Variants in RALGAPA2 observed in about 807,000 individuals in gnomAD.
RALGAPA2 encodes Ral GTPase activating protein catalytic subunit alpha 2.
Under a neutral mutation model 230.4 loss-of-function variants are expected in RALGAPA2, and 139 were observed. The observed-to-expected ratio is 0.60, with a 90% confidence interval of 0.53 to 0.69. RALGAPA2 has a LOEUF of 0.69. Ranked by LOEUF, RALGAPA2 falls within the 30% of genes least tolerant of loss-of-function variation. RALGAPA2 has a pLI of 0.00. For missense variants in RALGAPA2, 2,163 were observed against 2,276.0 expected, an observed-to-expected ratio of 0.95 and a Z score of 1.01; for synonymous variants, 847 against 837.8, an observed-to-expected ratio of 1.01 and a Z score of -0.19.
chr20:20,422,480 A>C (rs2060296875), intron 37 of RALGAPA2, among the ~76,000 whole-genome samples: 1 of 152,014 alleles, frequency 6.6e-6, no homozygotes, highest in South Asian at 2.1e-4. Flanking sequence ...CTGAGGTGAG[A>C]GGATCGCTTG....
chr20:20,455,191 C>T (rs959798731), intron 37 of RALGAPA2, among the ~76,000 whole-genome samples: 1 of 152,232 alleles, frequency 6.6e-6, no homozygotes, highest in East Asian at 1.9e-4. Flanking sequence ...CACCTAAGTG[C>T]TCTGCCTCGC....
chr20:20,655,604 G>A (rs2067561133), intron 3 of RALGAPA2, among the ~76,000 whole-genome samples: 1 of 151,678 alleles, frequency 6.6e-6, no homozygotes. Flanking sequence ...GGGAGGAGAT[G>A]GGCCTGGAGA....
At chr20:20,465,151 A>T (rs6082007) in intron 37 of RALGAPA2, among the ~76,000 whole-genome samples, 22 of 122,984 alleles carry the variant, frequency 1.8e-4, no homozygotes, top group South Asian at 1.1e-3. Flanking sequence ...GCAGGCCTTC[A>T]CACACACACA....
At chr20:20,463,129 CTT>C (rs11479561) in intron 37 of RALGAPA2, among the ~76,000 whole-genome samples, 3 of 138,172 alleles carry the variant, frequency 2.2e-5, no homozygotes, top group African/African-American at 2.7e-5. Flanking sequence ...AAAACCCTGA[CTT>C]TTTTTTTTTT....
At position 20,642,463 on chromosome 20, in the gene RALGAPA2, G is replaced by A. The variant is rs561895663; in HGVS notation, c.372+1043C>T. On this transcript the variant is annotated intron_variant, in intron 5 of 39. Coordinates refer to ENST00000202677, the MANE Select transcript of RALGAPA2 (RefSeq NM_020343.4). ...TGACCTCAGGCAATTTGCCTGCCTC[G>A]GCCTCCCAAAGTGCTGGGGTTACAG... Among the ~76,000 whole-genome samples, 6 of 152,160 alleles carry A rather than the reference G, an allele frequency of 3.9e-5. No individual in the cohort carries two copies. In the South Asian group the frequency reaches 8.3e-4, roughly 21 times the overall value.
intron 36 of RALGAPA2, among the ~76,000 whole-genome samples, chr20:20,475,995 T>C (rs2061642471): frequency 6.6e-6 from 1 of 152,090 alleles, no homozygotes; most frequent in African/African-American, 2.4e-5. Flanking sequence ...TATAACTGCA[T>C]CAAAACAGAA....
intron 32 of RALGAPA2, among the ~76,000 whole-genome samples, chr20:20,512,244 C>CACACACACACACACACACAT (rs2062733001): frequency 1.4e-4 from 21 of 148,468 alleles, no homozygotes; most frequent in African/African-American, 4.8e-4. Flanking sequence ...CACACATACA[C>CACACACACACACACACACAT]ACACACACAC....
At position 20,437,361 on chromosome 20, in the gene RALGAPA2, C is replaced by T. The variant is rs772314766; in HGVS notation, c.5496-25213G>A. Among the ~76,000 whole-genome samples the T allele has an allele frequency of 3.3e-5, 5 of 152,190 alleles. No individual in the cohort carries two copies. Among genetic ancestry groups the T allele is most frequent in the Admixed American group, 1.3e-4 (2 of 15,280 alleles). ...CCACCACACGCCACCATCCAGGCCA[C>T]GCCATTGTCATTTCGTTCCTGGATT... On this transcript the variant is annotated intron_variant, in intron 37 of 39. Transcript: ENST00000202677. This position sits in a 1 kb window ranked among gnomAD's most constrained non-coding sequence, Gnocchi z 4.1.
chr20:20,444,975 G>A (rs73287241), intron 37 of RALGAPA2, among the ~76,000 whole-genome samples: 1,929 of 152,288 alleles, frequency 0.013, 37 homozygotes, highest in African/African-American at 0.044. Context: ...TGTGTTCTGT[G>A]TTGCATGTGC....
chr20:20,505,205 G>A (rs2062496830), intron 34 of RALGAPA2: 1 of 978,382 alleles, frequency 1.0e-6, no homozygotes. Flanking sequence ...AATATTAAGA[G>A]GAAAGTTAAA....
chr20:20,681,144 A>G (rs1222990269), intron 1 of RALGAPA2, among the ~76,000 whole-genome samples: 1 of 152,122 alleles, frequency 6.6e-6, no homozygotes, highest in Non-Finnish European at 1.5e-5. Flanking sequence ...GAGGAAGTAG[A>G]GGTTCATGGA....
chr20:20,535,238 T>C (rs1168637172), intron 26 of RALGAPA2, among the ~76,000 whole-genome samples: 3 of 152,114 alleles, frequency 2.0e-5, no homozygotes, highest in Non-Finnish European at 4.4e-5. Flanking sequence ...GGTCTTCACG[T>C]TGGGAGGAGA....
Position 20,605,336 on chromosome 20 carries a change from A to T in RALGAPA2, c.1877T>A (p.Val626Glu). The T allele has an allele frequency of 1.2e-6, 2 of 1,613,870 alleles. No individual in the cohort carries two copies. The highest frequency in any genetic ancestry group is 1.7e-6 in the Non-Finnish European group (2 of 1,179,822). The change falls in exon 15 of 40, where the codon GTG (valine) becomes GAG (glutamate). Residue 626 changes from valine to glutamate, a missense_variant. By Grantham distance (121) the Val-to-Glu change is moderately radical. Coordinates refer to ENST00000202677, the MANE Select transcript of RALGAPA2 (RefSeq NM_020343.4). ...CTCCCATTCCGTGAGGGAGGACAGC[A>T]CACCAAGAAAGTCATCCCAGAGCTC... Reference protein sequence around the residue: ...SRELWDDFLGVLSSLTEWEEL... With the variant: ...SRELWDDFLGELSSLTEWEEL...
intron 38 of RALGAPA2, among the ~76,000 whole-genome samples, chr20:20,408,305 C>T (rs1285132056): frequency 6.6e-6 from 1 of 152,162 alleles, no homozygotes; most frequent in Non-Finnish European, 1.5e-5. Context: ...CCCTTGGCTA[C>T]CAGATTGCTA....
rs1332755729 is a variant in RALGAPA2, at chr20:20,705,069, C to A, written c.106+7306G>T. ...ACTCCTCTGTGCCACTCAAAACCCT[C>A]ACGGTAAATTTCATTGTTTACATGG... is the stretch of plus-strand genomic sequence containing the variant. On this transcript the variant is annotated intron_variant, in intron 1 of 39. Transcript: ENST00000202677. Among the ~76,000 whole-genome samples the A allele has an allele frequency of 2.6e-5, 4 of 152,376 alleles. No homozygotes were observed. In the East Asian group the frequency reaches 7.7e-4, roughly 29 times the overall value.
intron 20 of RALGAPA2, among the ~76,000 whole-genome samples, chr20:20,576,725 T>C (rs1044789568): frequency 5.9e-5 from 9 of 152,256 alleles, no homozygotes; most frequent in African/African-American, 2.2e-4. Flanking sequence ...GTAAAGTTTC[T>C]CTTTTACATG....
At chr20:20,706,530 T>C (rs1224008262) in intron 1 of RALGAPA2, among the ~76,000 whole-genome samples, 2 of 152,206 alleles carry the variant, frequency 1.3e-5, no homozygotes, top group Admixed American at 6.5e-5. Context: ...CTGCCAAGGT[T>C]ACAGGGAAGG....
intron 23 of RALGAPA2, among the ~76,000 whole-genome samples, chr20:20,552,088 T>C (rs539022425): frequency 2.0e-5 from 3 of 152,336 alleles, no homozygotes; most frequent in South Asian, 2.1e-4. Context: ...CATTTCAACA[T>C]AGCATTCTAT....
At chr20:20,401,301 G>GA (rs1203777089) in intron 38 of RALGAPA2, among the ~76,000 whole-genome samples, 2 of 152,092 alleles carry the variant, frequency 1.3e-5, no homozygotes, top group Non-Finnish European at 2.9e-5. Context: ...GATTTTAGAA[G>GA]AAAAATCCCC....
Sources: gnomAD v4.1 joint callset for allele counts (sites outside exome capture counted in the v4.1 genomes callset) on GRCh38, gnomAD v4.1.1 for gene constraint, Gnocchi (gnomAD v3.1) non-coding constraint, MANE v1.5 for transcripts, NCBI Gene and HGNC (gene_info 2026-07-23, HGNC 2026-07-21) for gene names.